Variants in ZNF445 observed in about 807,000 individuals in gnomAD.
The protein encoded by ZNF445 is zinc finger protein 445, also known as zinc finger protein 168.
ZNF445 carries 19 observed loss-of-function variants against 93.9 expected under a neutral mutation model. The ratio of observed to expected loss-of-function variants is 0.20; its 90% confidence interval spans 0.14 to 0.30. ZNF445 has a LOEUF of 0.30. Ranked by LOEUF, ZNF445 falls within the 10% of genes least tolerant of loss-of-function variation. The probability of loss-of-function intolerance (pLI) is 1.00; values close to 1 mark genes in which losing one functional copy is unlikely to be tolerated. For missense variants in ZNF445, 1,058 were observed against 1,259.4 expected (o/e 0.84, Z 2.42); for synonymous variants, 449 against 446.3 (o/e 1.01, Z -0.08).
At chr3:44,474,521 AC>A (rs1434268663) in intron 1 of ZNF445, among the ~76,000 whole-genome samples, 1 of 152,174 alleles carries the variant, frequency 6.6e-6, no homozygotes, top group African/African-American at 2.4e-5. Context: ...TCTCAAACAA[AC>A]AAAAAACAGA....
chr3:44,451,629 CAAG>C, intron 3 of ZNF445, 147 bp from the exon 4 acceptor site: 5 of 867,226 alleles, frequency 5.8e-6, no homozygotes, highest in South Asian at 5.6e-5. Flanking sequence ...GAGGAAAGGG[CAAG>C]AAGAACGCCC....
At position 44,448,003 on chromosome 3, in the gene ZNF445, G is replaced by T; in HGVS notation, c.1668C>A (p.Tyr556Ter). 6.2e-7 allele frequency: 1 copy of T among 1,611,566 alleles called. No individual in the cohort carries two copies. Reference protein sequence around the residue: ...CEKAFRRLSAYRLHRETHAKK... With the variant: ...CEKAFRRLSA Reference sequence around the variant, plus strand: ...TAGCATGGGTTTCTCGGTGCAGACGGTAGGCTGACAGGCGTCGGAAAGCTT... The same window carrying T: ...TAGCATGGGTTTCTCGGTGCAGACGTTAGGCTGACAGGCGTCGGAAAGCTT... The change falls in exon 8 of 8, where the codon TAC becomes TAA. Residue 556 changes from tyrosine (Y) to a stop codon, truncating the protein, a stop_gained. Coordinates refer to ENST00000396077, the MANE Select transcript of ZNF445 (RefSeq NM_181489.6). LOFTEE classifies it high-confidence loss of function.
chr3:44,463,311 C>T (rs1698145461), intron 1 of ZNF445, among the ~76,000 whole-genome samples: 2 of 152,142 alleles, frequency 1.3e-5, no homozygotes, highest in East Asian at 1.9e-4. Flanking sequence ...GCTGGGATTA[C>T]AGGTGTGAGC....
At position 44,438,683 on chromosome 3, in the gene ZNF445, GCCATAAA is replaced by G. The variant is rs1697741263; in HGVS notation, c.*7885_*7891del. 1 of 151,982 alleles carries G rather than the reference GCCATAAA, an allele frequency of 6.6e-6. No individual in the cohort carries two copies. Among genetic ancestry groups the G allele is most frequent in the Non-Finnish European group, 1.5e-5 (1 of 67,998 alleles). The allele number at this position is 151,982 out of a possible 1,614,324, so 9.4% of individuals were successfully genotyped here. ...CACATACACCATGGAATACTATGCAGCCATAAAAAATGATGAGTTCATGTCCTTTGTA... is the reference window on the plus strand; with the variant it reads ...CACATACACCATGGAATACTATGCAGAAATGATGAGTTCATGTCCTTTGTA... On this transcript the variant is annotated 3_prime_UTR_variant, in exon 8 of 8. Coordinates refer to ENST00000396077, the MANE Select transcript of ZNF445 (RefSeq NM_181489.6).
intron 1 of ZNF445, among the ~76,000 whole-genome samples, chr3:44,460,729 A>G (rs748707883): frequency 1.5e-4 from 23 of 152,344 alleles, no homozygotes; most frequent in Non-Finnish European, 2.9e-4. Context: ...TTTGAGTAAT[A>G]CAACTCTGGT....
At chr3:44,464,544 A>G (rs1698165490) in intron 1 of ZNF445, among the ~76,000 whole-genome samples, 1 of 152,242 alleles carries the variant, frequency 6.6e-6, no homozygotes, top group Non-Finnish European at 1.5e-5. Flanking sequence ...TTTAGAAGAC[A>G]GTTTTAAAGA....
rs553880043 is a variant in ZNF445 at position 44,446,360 on chromosome 3, G to C, written c.*215C>G. The C allele has an allele frequency of 1.6e-6, 1 of 637,168 alleles. No homozygotes were observed. Among genetic ancestry groups the C allele is most frequent in the African/African-American group, 1.8e-5 (1 of 54,662 alleles). The allele number at this position is 637,168 out of a possible 1,614,324, so 39.5% of individuals were successfully genotyped here. A position where few individuals can be genotyped will look rare whatever the true frequency, so the allele number is the denominator to read the frequency against. On this transcript the variant is annotated 3_prime_UTR_variant, in exon 8 of 8. Coordinates refer to ENST00000396077, the MANE Select transcript of ZNF445 (RefSeq NM_181489.6). The surrounding 1 kb of genome is among the most constrained non-coding windows in gnomAD (Gnocchi z 4.2). ...TCCTAGGGGCCGGAGTCTCCAGAAGGGCTCCAAAGGACATGGTGCTGCACT... is the reference window on the plus strand; with the variant it reads ...TCCTAGGGGCCGGAGTCTCCAGAAGCGCTCCAAAGGACATGGTGCTGCACT...
rs536373695 is a variant in ZNF445 at position 44,463,486 on chromosome 3, G to A, written c.-268-5122C>T. 2.6e-5 allele frequency among the ~76,000 whole-genome samples: 4 copies of A among 152,302 alleles called. No individual in the cohort carries two copies. In the South Asian group the frequency reaches 6.2e-4, roughly 24 times the overall value. Reference sequence around the variant, plus strand: ...CTCTGTTTTCCTCATGAAACCACAGGAATTAAAAACTGATAGATCCCTTTC... The same window carrying A: ...CTCTGTTTTCCTCATGAAACCACAGAAATTAAAAACTGATAGATCCCTTTC... On this transcript the variant is annotated intron_variant, in intron 1 of 7. Coordinates refer to ENST00000396077, the MANE Select transcript of ZNF445 (RefSeq NM_181489.6).
In ZNF445 at chr3:44,441,453, G is replaced by A. The variant is rs1370483330; in HGVS notation, c.*5122C>T. 1.3e-5 allele frequency: 2 copies of A among 152,188 alleles called. No homozygotes were observed. The highest frequency in any genetic ancestry group is 2.4e-5 in the African/African-American group (1 of 41,408). The allele number at this position is 152,188 out of a possible 1,614,324, so 9.4% of individuals were successfully genotyped here. On this transcript the variant is annotated 3_prime_UTR_variant, in exon 8 of 8. Coordinates refer to ENST00000396077, the MANE Select transcript of ZNF445 (RefSeq NM_181489.6). ...GAATGCCTAACCTCCTGGGAATGCA[G>A]CCCAGTAGGTCTCAGCCTTATTTTA...
intron 4 of ZNF445, 46 bp downstream of exon 4, chr3:44,451,268 A>G: frequency 6.3e-7 from 1 of 1,594,990 alleles, no homozygotes; most frequent in Non-Finnish European, 8.6e-7. Flanking sequence ...AGGAAATGCA[A>G]GAAGTGTGGC....
rs1033066729 is a variant in ZNF445, at chr3:44,431,934, G to C, written c.*14641C>G. On this transcript the variant is annotated 3_prime_UTR_variant, in exon 8 of 8. Coordinates refer to ENST00000396077, the MANE Select transcript of ZNF445 (RefSeq NM_181489.6). Reference sequence around the variant, plus strand: ...TTTATTTTTTATTTTTTATTTTTTTGAGACAGGGTCGCTCTGTCTTCTGGG... The same window carrying C: ...TTTATTTTTTATTTTTTATTTTTTTCAGACAGGGTCGCTCTGTCTTCTGGG... 1.3e-5 allele frequency: 2 copies of C among 151,400 alleles called. No individual in the cohort carries two copies. Among genetic ancestry groups the C allele is most frequent in the Non-Finnish European group, 2.9e-5 (2 of 67,914 alleles). 9.4% of individuals were successfully genotyped at this position (151,400 alleles called of 1,614,324 possible). A position where few individuals can be genotyped will look rare whatever the true frequency, so the allele number is the denominator to read the frequency against.
At chr3:44,460,788 C>T (rs1246424336) in intron 1 of ZNF445, among the ~76,000 whole-genome samples, 1 of 152,228 alleles carries the variant, frequency 6.6e-6, no homozygotes, top group Non-Finnish European at 1.5e-5. Flanking sequence ...TTGCAATTCC[C>T]CTGTCTTGAT....
chr3:44,472,920 T>C (rs904704132), intron 1 of ZNF445, among the ~76,000 whole-genome samples: 19 of 152,208 alleles, frequency 1.2e-4, no homozygotes, highest in Non-Finnish European at 5.9e-5. Flanking sequence ...CCCAGTTTCA[T>C]TCCCACAAAG....
intron 1 of ZNF445, among the ~76,000 whole-genome samples, chr3:44,467,245 T>G (rs141187202): frequency 6.6e-6 from 1 of 152,378 alleles, no homozygotes; most frequent in East Asian, 1.9e-4. Flanking sequence ...GCATATTTGT[T>G]CCTTTCTACC....
In ZNF445 at chr3:44,435,290, C is replaced by A. The variant is rs553228798; in HGVS notation, c.*11285G>T. 3.3e-5 allele frequency: 5 copies of A among 152,264 alleles called. No homozygotes were observed. Among genetic ancestry groups the A allele is most frequent in the Admixed American group, 1.3e-4 (2 of 15,286 alleles). 9.4% of individuals were successfully genotyped at this position (152,264 alleles called of 1,614,324 possible). A position where few individuals can be genotyped will look rare whatever the true frequency, so the allele number is the denominator to read the frequency against. Reference sequence around the variant, plus strand: ...TCACTGGACAGCCTTGTGAATAATTCTTCTCTCTTTTGCAAAACCCATGTC... The same window carrying A: ...TCACTGGACAGCCTTGTGAATAATTATTCTCTCTTTTGCAAAACCCATGTC... On this transcript the variant is annotated 3_prime_UTR_variant, in exon 8 of 8. Transcript: ENST00000396077.
Position 44,445,659 on chromosome 3 carries a change from C to G in ZNF445, c.*916G>C, listed in dbSNP as rs1697869483. 6.6e-6 allele frequency: 1 copy of G among 152,594 alleles called. No individual in the cohort carries two copies. Among genetic ancestry groups the G allele is most frequent in the Non-Finnish European group, 1.5e-5 (1 of 68,296 alleles). The allele number at this position is 152,594 out of a possible 1,614,324, so 9.5% of individuals were successfully genotyped here. On this transcript the variant is annotated 3_prime_UTR_variant, in exon 8 of 8. Transcript: ENST00000396077. ...CGTCTTTGCTCACATTTCACCTTCT[C>G]AGTTGAGGCCCTCCCTGACCAGACT...
intron 1 of ZNF445, among the ~76,000 whole-genome samples, chr3:44,467,839 G>A (rs182708446): frequency 1.2e-4 from 19 of 152,178 alleles, no homozygotes; most frequent in Admixed American, 1.2e-3. Flanking sequence ...AAAAACTATA[G>A]TACAATATTG....
chr3:44,443,454 C>T lies in ZNF445; in HGVS notation c.*3121G>A, dbSNP rs1291087221. ...CTGTTCTTTTGGCCGGGCACAGTGGCTCACACCTGTAATCCCAGCATTTTG... is the reference window on the plus strand; with the variant it reads ...CTGTTCTTTTGGCCGGGCACAGTGGTTCACACCTGTAATCCCAGCATTTTG... On this transcript the variant is annotated 3_prime_UTR_variant, in exon 8 of 8. Coordinates refer to ENST00000396077, the MANE Select transcript of ZNF445 (RefSeq NM_181489.6). 6.6e-6 allele frequency: 1 copy of T among 152,194 alleles called. No individual in the cohort carries two copies. The highest frequency in any genetic ancestry group is 1.5e-5 in the Non-Finnish European group (1 of 68,060). 9.4% of individuals were successfully genotyped at this position (152,194 alleles called of 1,614,324 possible). A position where few individuals can be genotyped will look rare whatever the true frequency, so the allele number is the denominator to read the frequency against.
In ZNF445 at chr3:44,455,567, T is replaced by A. The variant is rs1698017357; in HGVS notation, c.-18A>T. 1 of 1,552,534 alleles carries A rather than the reference T, an allele frequency of 6.4e-7. No homozygotes were observed. Among genetic ancestry groups the A allele is most frequent in the Non-Finnish European group, 8.7e-7 (1 of 1,151,194 alleles). On this transcript the variant is annotated 5_prime_UTR_variant, in exon 3 of 8. Coordinates refer to ENST00000396077, the MANE Select transcript of ZNF445 (RefSeq NM_181489.6). ...GGAGGCATCACTCCTGTTCAGGGACTAACCAGAAGAGTGCGAACCAAGTCC... is the reference window on the plus strand; with the variant it reads ...GGAGGCATCACTCCTGTTCAGGGACAAACCAGAAGAGTGCGAACCAAGTCC...
Sources: gnomAD v4.1 joint callset for allele counts (sites outside exome capture counted in the v4.1 genomes callset) on GRCh38, gnomAD v4.1.1 for gene constraint, Gnocchi (gnomAD v3.1) non-coding constraint, MANE v1.5 for transcripts, NCBI Gene and HGNC (gene_info 2026-07-23, HGNC 2026-07-21) for gene names.